The following RAB23 variants were observed in gnomAD, a reference collection of about 807,000 sequenced individuals.
RAB23 encodes ras-related protein Rab-23.
Under a neutral mutation model 30.0 loss-of-function variants are expected in RAB23, and 15 were observed. That is an observed-to-expected ratio of 0.50 (90% confidence interval 0.33 to 0.77). The LOEUF is 0.77. Ranked by LOEUF, RAB23 falls within the 30% of genes least tolerant of loss-of-function variation. RAB23 has a pLI of 0.02. For synonymous variants in RAB23, 93 were observed against 94.0 expected, an observed-to-expected ratio of 0.99 and a Z score of 0.06; for missense variants, 243 against 275.4, an observed-to-expected ratio of 0.88 and a Z score of 0.83.
chr6:57,196,760 A>T (rs1765038173), intron 3 of RAB23, among the ~76,000 whole-genome samples, 154 bp from the exon 4 acceptor site: 1 of 152,012 alleles, frequency 6.6e-6, no homozygotes, highest in Admixed American at 6.6e-5. Flanking sequence ...TCTTTGTACT[A>T]CTCTTCTTTA....
At position 57,190,116 on chromosome 6, in the gene RAB23, C is replaced by T. The variant is rs1042635536; in HGVS notation, c.*345G>A. 2.1e-5 allele frequency: 5 copies of T among 236,196 alleles called. No homozygotes were observed. The highest frequency in any genetic ancestry group is 1.2e-4 in the African/African-American group (5 of 43,466). 14.6% of individuals were successfully genotyped at this position (236,196 alleles called of 1,614,324 possible). On this transcript the variant is annotated 3_prime_UTR_variant, in exon 7 of 7. Coordinates refer to ENST00000468148, the MANE Select transcript of RAB23 (RefSeq NM_016277.5). ...ATGCTTGCTATCTTTCCTTGATCCA[C>T]AGTATTAAAATCTGTAACAATATAT...
At chr6:57,197,943 T>C (rs1350508533) in intron 3 of RAB23, among the ~76,000 whole-genome samples, 1 of 151,990 alleles carries the variant, frequency 6.6e-6, no homozygotes, top group Non-Finnish European at 1.5e-5. Context: ...TGTTTTGTTT[T>C]TGTTTGTTTG....
At chr6:57,220,798 C>T (rs1766027280) in intron 1 of RAB23, among the ~76,000 whole-genome samples, 1 of 151,702 alleles carries the variant, frequency 6.6e-6, no homozygotes, top group South Asian at 2.1e-4. Context: ...GTGGTGGTTA[C>T]ATGAGTCTAA....
chr6:57,189,791 T>C lies in RAB23; in HGVS notation c.*670A>G, dbSNP rs1472405675. 6.5e-6 allele frequency: 1 copy of C among 152,702 alleles called. No individual in the cohort carries two copies. Among genetic ancestry groups the C allele is most frequent in the Non-Finnish European group, 1.5e-5 (1 of 68,068 alleles). The allele number at this position is 152,702 out of a possible 1,614,324, so 9.5% of individuals were successfully genotyped here. A position where few individuals can be genotyped will look rare whatever the true frequency, so the allele number is the denominator to read the frequency against. ...ACCCAAGCTCATTTTGCAAAATATA[T>C]GTCTAGAGTTTATCATTTGAAAATA... On this transcript the variant is annotated 3_prime_UTR_variant, in exon 7 of 7. Transcript: ENST00000468148.
In RAB23 at chr6:57,187,660, A is replaced by G. The variant is rs1764653480; in HGVS notation, c.*2801T>C. Reference sequence around the variant, plus strand: ...AAAGGGTCCAACACTAAGTTGGGACATTAGGTCCTAAGGCCAACTCCCTAT... The same window carrying G: ...AAAGGGTCCAACACTAAGTTGGGACGTTAGGTCCTAAGGCCAACTCCCTAT... On this transcript the variant is annotated 3_prime_UTR_variant, in exon 7 of 7. Transcript: ENST00000468148. 6.6e-6 allele frequency: 1 copy of G among 152,202 alleles called. No individual in the cohort carries two copies. The highest frequency in any genetic ancestry group is 2.1e-4 in the South Asian group (1 of 4,820). The allele number at this position is 152,202 out of a possible 1,614,324, so 9.4% of individuals were successfully genotyped here.
intron 1 of RAB23, among the ~76,000 whole-genome samples, chr6:57,211,125 C>T (rs1765636933): frequency 6.6e-6 from 1 of 152,082 alleles, no homozygotes; most frequent in African/African-American, 2.4e-5. Context: ...CCTGTTTAGA[C>T]TCGGGTCCTG....
rs2127995117 is a variant in RAB23 at position 57,188,279 on chromosome 6, G to A, written c.*2182C>T. The A allele has an allele frequency of 6.6e-6, 1 of 152,172 alleles. No individual in the cohort carries two copies. The highest frequency in any genetic ancestry group is 1.9e-4 in the East Asian group (1 of 5,190). The allele number at this position is 152,172 out of a possible 1,614,324, so 9.4% of individuals were successfully genotyped here. A position where few individuals can be genotyped will look rare whatever the true frequency, so the allele number is the denominator to read the frequency against. On this transcript the variant is annotated 3_prime_UTR_variant, in exon 7 of 7. Coordinates refer to ENST00000468148, the MANE Select transcript of RAB23 (RefSeq NM_016277.5). ...TCAGGCCTACTTAATTATTTTAAAT[G>A]ACTAATTATGGTTAGGTTTAAAATA... is the stretch of plus-strand genomic sequence containing the variant.
intron 1 of RAB23, among the ~76,000 whole-genome samples, chr6:57,220,935 T>C (rs1311662249): frequency 6.6e-6 from 1 of 152,202 alleles, no homozygotes; most frequent in Non-Finnish European, 1.5e-5. Flanking sequence ...AGTCGGACTC[T>C]TGCTTTTCAG....
At chr6:57,218,093 A>T (rs1485042115) in intron 1 of RAB23, among the ~76,000 whole-genome samples, 1 of 152,234 alleles carries the variant, frequency 6.6e-6, no homozygotes, top group Non-Finnish European at 1.5e-5. Flanking sequence ...GTAAAAACTC[A>T]GAAAGAAATC....
chr6:57,196,726 T>C, intron 3 of RAB23, 120 bp from the exon 4 acceptor site: 1 of 1,248,314 alleles, frequency 8.0e-7, no homozygotes, highest in Non-Finnish European at 1.1e-6. Context: ...AAAACAACTT[T>C]TATGTAAATA....
In RAB23 at chr6:57,208,945, C is replaced by T. The variant is rs1302925630; in HGVS notation, c.156-1232G>A. ...TCATTAACACTGAATTCACGACCAA[C>T]AGCACTATAACTCGTGCCTGAACAA... On this transcript the variant is annotated intron_variant, in intron 2 of 6. Coordinates refer to ENST00000468148, the MANE Select transcript of RAB23 (RefSeq NM_016277.5). 2.0e-5 allele frequency among the ~76,000 whole-genome samples: 3 copies of T among 152,130 alleles called. No homozygotes were observed. The East Asian group carries it at 5.8e-4, about 29-fold the overall frequency.
chr6:57,190,623 G>A (rs757987636), intron 6 of RAB23, 23 bp from the exon 7 acceptor site: 4 of 1,613,344 alleles, frequency 2.5e-6, no homozygotes, highest in Non-Finnish European at 3.4e-6. Context: ...AGGGAAAAGA[G>A]TGATTGCCAC....
intron 3 of RAB23, among the ~76,000 whole-genome samples, chr6:57,204,053 A>C (rs532676287): frequency 1.3e-5 from 2 of 152,248 alleles, no homozygotes; most frequent in East Asian, 1.9e-4. Context: ...TAAATCCTAC[A>C]TTTTCAAAAG....
At chr6:57,216,510 A>G (rs1765841813) in intron 1 of RAB23, among the ~76,000 whole-genome samples, 1 of 152,184 alleles carries the variant, frequency 6.6e-6, no homozygotes, top group Non-Finnish European at 1.5e-5. Flanking sequence ...AAACATCAAC[A>G]TGTCACAGGG....
intron 1 of RAB23, among the ~76,000 whole-genome samples, chr6:57,216,671 G>A (rs897146411): frequency 5.9e-5 from 9 of 152,182 alleles, no homozygotes; most frequent in African/African-American, 9.6e-5. Flanking sequence ...TAGACAGAGC[G>A]GCCCTGAGGG....
chr6:57,205,177 TA>T (rs1765413245), intron 3 of RAB23, among the ~76,000 whole-genome samples: 1 of 151,456 alleles, frequency 6.6e-6, no homozygotes, highest in African/African-American at 2.4e-5. Flanking sequence ...CTATATTAAT[TA>T]CATATATACA....
chr6:57,205,305 G>GTA (rs1765422360), intron 3 of RAB23, among the ~76,000 whole-genome samples: 4 of 151,976 alleles, frequency 2.6e-5, no homozygotes, highest in Admixed American at 2.0e-4. Context: ...AGAGTATAAA[G>GTA]TTATAGCATC....
intron 2 of RAB23, 149 bp downstream of exon 2, chr6:57,210,077 T>C: frequency 2.6e-6 from 2 of 775,826 alleles, no homozygotes; most frequent in Non-Finnish European, 2.1e-6. Flanking sequence ...AAGTTACATA[T>C]GTCATGAAAA....
chr6:57,207,731 T>C lies in RAB23; in HGVS notation c.156-18A>G. ...CATTAACTCTAAAACAAGAGATGAA[T>C]TTATTTCATATGTAAAGGAAAATGT... On this transcript the variant is annotated intron_variant, in intron 2 of 6. Coordinates refer to ENST00000468148, the MANE Select transcript of RAB23 (RefSeq NM_016277.5). 1 of 1,489,558 alleles carries C rather than the reference T, an allele frequency of 6.7e-7. No individual in the cohort carries two copies. The highest frequency in any genetic ancestry group is 9.4e-7 in the Non-Finnish European group (1 of 1,069,376). The allele number at this position is 1,489,558 out of a possible 1,614,324, so 92.3% of individuals were successfully genotyped here.
Sources: allele counts gnomAD v4.1 joint callset (sites outside exome capture counted in the v4.1 genomes callset), GRCh38; gene constraint gnomAD v4.1.1; transcripts MANE v1.5; gene names NCBI Gene and HGNC (gene_info 2026-07-23, HGNC 2026-07-21).